SLC24A2: variants seen among roughly 807,000 people sequenced by gnomAD.
The protein encoded by SLC24A2 is sodium/potassium/calcium exchanger 2.
SLC24A2 carries 36 observed loss-of-function variants against 62.0 expected under a neutral mutation model. The observed-to-expected ratio is 0.58, with a 90% CI of 0.44 to 0.77. SLC24A2 has a LOEUF of 0.77. Among genes scored for constraint, SLC24A2 ranks in the 30% least tolerant of loss-of-function variants. The probability of loss-of-function intolerance (pLI) is 0.00; values close to 1 mark genes in which losing one functional copy is unlikely to be tolerated. For synonymous variants in SLC24A2, 358 were observed against 294.0 expected (o/e 1.22, Z -2.23); for missense variants, 846 against 817.9 (o/e 1.03, Z -0.42).
chr9:20,177,212 T>C, the SLC24A2 span, among the ~76,000 whole-genome samples: 1,549 of 152,238 alleles, frequency 0.01, 32 homozygotes, highest in African/African-American at 0.034. Context: ...AGTTCATATC[T>C]GTAGTATGAC....
the SLC24A2 span, among the ~76,000 whole-genome samples, chr9:20,108,032 GTT>G: frequency 4.3e-4 from 65 of 152,250 alleles, no homozygotes; most frequent in East Asian, 0.01. Flanking sequence ...TCAAAAAGTG[GTT>G]GAAGGACATG....
At chr9:20,275,050 G>C in the SLC24A2 span, among the ~76,000 whole-genome samples, 1 of 151,626 alleles carries the variant, frequency 6.6e-6, no homozygotes, top group African/African-American at 2.4e-5. Context: ...GGCCTGGCCA[G>C]GGAGCTAAGA....
chr9:19,779,910 A>G (rs1164767043), intron 2 of SLC24A2, among the ~76,000 whole-genome samples: 1 of 152,000 alleles, frequency 6.6e-6, no homozygotes, highest in Non-Finnish European at 1.5e-5. Flanking sequence ...AAAGTACAGA[A>G]AAATTAGCTG....
chr9:20,273,932 T>C, the SLC24A2 span, among the ~76,000 whole-genome samples: 1 of 152,192 alleles, frequency 6.6e-6, no homozygotes, highest in South Asian at 2.1e-4. Context: ...TCTGTTAGGC[T>C]TTTCTCTTGT....
chr9:19,623,139 C>T (rs902582177), intron 2 of SLC24A2, among the ~76,000 whole-genome samples: 14 of 152,176 alleles, frequency 9.2e-5, no homozygotes, highest in African/African-American at 3.4e-4. Context: ...AACTCAATGG[C>T]AACTCTCCTT....
chr9:19,984,254 C>G, the SLC24A2 span, among the ~76,000 whole-genome samples: 2 of 151,658 alleles, frequency 1.3e-5, no homozygotes, highest in African/African-American at 4.8e-5. Context: ...CTCAAATTCA[C>G]GTAGAATTGC....
the SLC24A2 span, among the ~76,000 whole-genome samples, chr9:20,164,003 A>G: frequency 6.6e-5 from 10 of 152,320 alleles, no homozygotes; most frequent in Non-Finnish European, 1.0e-4. Flanking sequence ...AAAGACTTAC[A>G]TGTTAGACCT....
At chr9:20,065,139 T>C in the SLC24A2 span, among the ~76,000 whole-genome samples, 1 of 152,172 alleles carries the variant, frequency 6.6e-6, no homozygotes, top group Non-Finnish European at 1.5e-5. Context: ...CACTATCACA[T>C]TTCATAGCTC....
At chr9:20,210,863 G>A in the SLC24A2 span, among the ~76,000 whole-genome samples, 1 of 151,488 alleles carries the variant, frequency 6.6e-6, no homozygotes, top group African/African-American at 2.4e-5. Context: ...GCAAGGAGAG[G>A]GGAGAGGAAG....
chr9:19,540,516 G>T (rs1205979396), intron 8 of SLC24A2, among the ~76,000 whole-genome samples: 1 of 151,212 alleles, frequency 6.6e-6, no homozygotes, highest in Non-Finnish European at 1.5e-5. Flanking sequence ...TTGTCTTTAA[G>T]AATGTTGAAT....
At chr9:19,731,766 C>T (rs1821345626) in intron 2 of SLC24A2, among the ~76,000 whole-genome samples, 1 of 152,152 alleles carries the variant, frequency 6.6e-6, no homozygotes, top group Admixed American at 6.6e-5. Context: ...AAATATAATA[C>T]CAAGTACAGG....
Position 19,548,063 on chromosome 9 carries a change from G to T in SLC24A2, c.1479+2074C>A, listed in dbSNP as rs780101163. Among the ~76,000 whole-genome samples, 4 of 151,630 alleles carry T rather than the reference G, an allele frequency of 2.6e-5. 1 individual carries two copies. Among genetic ancestry groups the T allele is most frequent in the African/African-American group, 9.8e-5 (4 of 40,904 alleles). ...CATCCTTTACCAGGAAACCTATACT[G>T]CTGGGAGTCCATACAAGGAGTCCTT... On this transcript the variant is annotated intron_variant, in intron 8 of 10. Transcript: ENST00000341998.
chr9:20,118,155 C>G, the SLC24A2 span, among the ~76,000 whole-genome samples: 2 of 152,108 alleles, frequency 1.3e-5, no homozygotes, highest in East Asian at 1.9e-4. Context: ...GGCGACTTAT[C>G]TACCCCTGTG....
chr9:19,925,646 G>A, the SLC24A2 span, among the ~76,000 whole-genome samples: 1 of 152,202 alleles, frequency 6.6e-6, no homozygotes, highest in African/African-American at 2.4e-5. Flanking sequence ...CCTGCGTCAT[G>A]TATTTTTCAC....
chr9:20,009,591 GCTCTCC>G, the SLC24A2 span, among the ~76,000 whole-genome samples: 1 of 152,024 alleles, frequency 6.6e-6, no homozygotes, highest in Non-Finnish European at 1.5e-5. Context: ...CAGCCCAAGT[GCTCTCC>G]CTAAGTCTTC....
chr9:19,521,017 G>A lies in SLC24A2; in HGVS notation c.1613C>T (p.Thr538Ile). Residue 538 changes from threonine (T) to isoleucine (I), a missense_variant, in exon 10 of 11, where the codon ACC becomes ATC. Physicochemically the swap from Thr to Ile is moderately conservative, Grantham distance 89. Coordinates refer to ENST00000341998, the MANE Select transcript of SLC24A2 (RefSeq NM_020344.4). Reference protein sequence around the residue: ...IGISEEIMGLTILAAGTSIPD... With the variant: ...IGISEEIMGLIILAAGTSIPD... Reference sequence around the variant, plus strand: ...GATGGAGGTCCCAGCAGCCAAGATGGTCAGGCCCATAATCTCTTCACTGAT... The same window carrying A: ...GATGGAGGTCCCAGCAGCCAAGATGATCAGGCCCATAATCTCTTCACTGAT... The A allele has an allele frequency of 6.2e-7, 1 of 1,614,090 alleles. No homozygotes were observed. Among genetic ancestry groups the A allele is most frequent in the Non-Finnish European group, 8.5e-7 (1 of 1,179,974 alleles).
intron 2 of SLC24A2, among the ~76,000 whole-genome samples, chr9:19,691,161 G>A (rs1820035900): frequency 6.6e-6 from 1 of 152,112 alleles, no homozygotes; most frequent in South Asian, 2.1e-4. Flanking sequence ...AGGATGAGAA[G>A]AGCCCTCACA....
chr9:19,535,189 C>G (rs1326479878), intron 8 of SLC24A2, among the ~76,000 whole-genome samples: 1 of 152,022 alleles, frequency 6.6e-6, no homozygotes, highest in Non-Finnish European at 1.5e-5. Flanking sequence ...TATCCTTTGC[C>G]CACTTTTTGA....
At chr9:19,768,897 C>T (rs949449299) in intron 2 of SLC24A2, among the ~76,000 whole-genome samples, 1 of 152,108 alleles carries the variant, frequency 6.6e-6, no homozygotes, top group Non-Finnish European at 1.5e-5. Flanking sequence ...CCTCATGCTT[C>T]AATGCTATGA....
Sources: allele counts gnomAD v4.1 joint callset (sites outside exome capture counted in the v4.1 genomes callset), GRCh38; gene constraint gnomAD v4.1.1; transcripts MANE v1.5; gene names NCBI Gene and HGNC (gene_info 2026-07-23, HGNC 2026-07-21).